TM4SF4: variants seen among roughly 807,000 people sequenced by gnomAD.
TM4SF4 encodes the protein transmembrane 4 L6 family member 4.
TM4SF4 carries 24 observed loss-of-function variants against 24.1 expected under a neutral mutation model. The ratio of observed to expected loss-of-function variants is 1.00; its 90% confidence interval spans 0.72 to 1.40. TM4SF4 has a LOEUF of 1.40. Among genes scored for constraint, TM4SF4 ranks in the 40% most tolerant of loss-of-function variants. The pLI, the probability that TM4SF4 is intolerant of heterozygous loss-of-function variation, is 0.00. For synonymous variants in TM4SF4, 113 were observed against 97.0 expected, an observed-to-expected ratio of 1.17 and a Z score of -0.97; for missense variants, 254 against 254.2, an observed-to-expected ratio of 1.00 and a Z score of 0.01.
intron 4 of TM4SF4, 22 bp downstream of exon 4, chr3:149,498,933 T>C: frequency 1.2e-6 from 2 of 1,612,868 alleles, no homozygotes; most frequent in Non-Finnish European, 1.7e-6. Context: ...CTTTTGCTGT[T>C]TCTTCTCAGC....
rs955147641 is a variant in TM4SF4, at chr3:149,503,284, C to T, written c.*591C>T. On this transcript the variant is annotated 3_prime_UTR_variant, in exon 5 of 5. Coordinates refer to ENST00000305354, the MANE Select transcript of TM4SF4 (RefSeq NM_004617.4). Reference sequence around the variant, plus strand: ...AAACCTGAATTCAGAGGTAACGTAACAAAGATTGTGTGTGTTTTAGGAGGG... The same window carrying T: ...AAACCTGAATTCAGAGGTAACGTAATAAAGATTGTGTGTGTTTTAGGAGGG... 3 of 152,192 alleles carry T rather than the reference C, an allele frequency of 2.0e-5. No individual in the cohort carries two copies. The highest frequency in any genetic ancestry group is 7.2e-5 in the African/African-American group (3 of 41,530). The allele number at this position is 152,192 out of a possible 1,614,324, so 9.4% of individuals were successfully genotyped here.
rs201711380 is a variant in TM4SF4, at chr3:149,493,283, C to A, written c.402-5439C>A. Among the ~76,000 whole-genome samples, 13 of 152,230 alleles carry A rather than the reference C, an allele frequency of 8.5e-5. No homozygotes were observed. The East Asian group carries it at 2.3e-3, about 27-fold the overall frequency. On this transcript the variant is annotated intron_variant, in intron 3 of 4. Coordinates refer to ENST00000305354, the MANE Select transcript of TM4SF4 (RefSeq NM_004617.4). Reference sequence around the variant, plus strand: ...AACCTCTTTATTGTGATATAAGTAACCCTTGATTCACATACTATTATAGAT... The same window carrying A: ...AACCTCTTTATTGTGATATAAGTAAACCTTGATTCACATACTATTATAGAT...
chr3:149,476,047 G>A lies in TM4SF4; in HGVS notation c.264+135G>A, dbSNP rs1733923768. ...GAGCAGCTGGTGAAGGGATAAAACT[G>A]TGATTTTTCCTGCCAGTGTGAAATA... On this transcript the variant is annotated intron_variant, in intron 2 of 4. Coordinates refer to ENST00000305354, the MANE Select transcript of TM4SF4 (RefSeq NM_004617.4). 8.8e-5 allele frequency: 63 copies of A among 712,736 alleles called. 1 individual carries two copies. The South Asian group carries it at 1.1e-3, about 12-fold the overall frequency. 44.2% of individuals were successfully genotyped at this position (712,736 alleles called of 1,614,324 possible).
intron 3 of TM4SF4, chr3:149,495,876 G>A (rs1734301254): frequency 5.5e-6 from 1 of 182,828 alleles, no homozygotes; most frequent in African/African-American, 2.4e-5. Flanking sequence ...ATCCTCCTCT[G>A]GGTCATGTTG....
intron 2 of TM4SF4, among the ~76,000 whole-genome samples, chr3:149,478,126 CAA>C (rs1560028522): frequency 6.6e-6 from 1 of 151,954 alleles, no homozygotes; most frequent in Non-Finnish European, 1.5e-5. Flanking sequence ...AAGATGAAGG[CAA>C]AAAAAGTTTG....
At chr3:149,475,505 C>A (rs192612239) in intron 1 of TM4SF4, among the ~76,000 whole-genome samples, 1 of 152,230 alleles carries the variant, frequency 6.6e-6, no homozygotes, top group South Asian at 2.1e-4. Context: ...TGGGAACCTC[C>A]GTTTGAGAGA....
chr3:149,481,498 C>A (rs1432941902), intron 2 of TM4SF4, among the ~76,000 whole-genome samples: 1 of 152,082 alleles, frequency 6.6e-6, no homozygotes, highest in Admixed American at 6.6e-5. Context: ...CTGCCACTTC[C>A]CCCACTCCCT....
intron 3 of TM4SF4, among the ~76,000 whole-genome samples, chr3:149,496,624 C>T (rs958229156): frequency 2.0e-5 from 3 of 151,958 alleles, no homozygotes; most frequent in Non-Finnish European, 4.4e-5. Context: ...CAAAATTAGC[C>T]GGATGTGGTG....
intron 3 of TM4SF4, among the ~76,000 whole-genome samples, chr3:149,491,512 T>C (rs56295302): frequency 0.032 from 4,833 of 151,570 alleles, 88 homozygotes; most frequent in Middle Eastern, 0.065. Context: ...TATATATATA[T>C]ACACACACAC....
At position 149,500,479 on chromosome 3, in the gene TM4SF4, A is replaced by G. The variant is rs147796302; in HGVS notation, c.591+1568A>G. Among the ~76,000 whole-genome samples the G allele has an allele frequency of 1.9e-4, 29 of 152,280 alleles. No individual in the cohort carries two copies. The East Asian group carries it at 5.6e-3, about 29-fold the overall frequency. On this transcript the variant is annotated intron_variant, in intron 4 of 4. Coordinates refer to ENST00000305354, the MANE Select transcript of TM4SF4 (RefSeq NM_004617.4). ...TTGCATTTTTATTCTACAAATTTTC[A>G]GTTCTACTGTATTGTATTCAAATGT...
chr3:149,490,128 A>G (rs1734185686), intron 3 of TM4SF4, among the ~76,000 whole-genome samples: 1 of 152,238 alleles, frequency 6.6e-6, no homozygotes, highest in African/African-American at 2.4e-5. Flanking sequence ...TGTGCAAGGT[A>G]TAAAATATGC....
intron 4 of TM4SF4, among the ~76,000 whole-genome samples, 182 bp from the exon 5 acceptor site, chr3:149,502,494 C>A (rs1479132868): frequency 6.6e-6 from 1 of 152,056 alleles, no homozygotes; most frequent in Non-Finnish European, 1.5e-5. Flanking sequence ...ATTCCTATAA[C>A]CTCAACACAG....
rs957065900 is a variant in TM4SF4, at chr3:149,491,148, A to AT, written c.401+3404dup. 3.8e-3 allele frequency among the ~76,000 whole-genome samples: 558 copies of AT among 147,878 alleles called. 2 individuals are homozygous for AT. Among genetic ancestry groups the AT allele is most frequent in the African/African-American group, 0.012 (505 of 40,600 alleles). ...TCCATGGCTAGTAATTAGTAAAAGG[A>AT]TTTTTTTTTTTAATTAGCTGGGAGT... On this transcript the variant is annotated intron_variant, in intron 3 of 4. Coordinates refer to ENST00000305354, the MANE Select transcript of TM4SF4 (RefSeq NM_004617.4).
chr3:149,482,897 C>T (rs945783378), intron 2 of TM4SF4, among the ~76,000 whole-genome samples: 1 of 152,202 alleles, frequency 6.6e-6, no homozygotes, highest in Admixed American at 6.5e-5. Flanking sequence ...TGAAGTTATT[C>T]TATGCTGGCT....
At position 149,475,923 on chromosome 3, in the gene TM4SF4, A is replaced by G. The variant is rs2107864942; in HGVS notation, c.264+11A>G. 3 of 1,605,820 alleles carry G rather than the reference A, an allele frequency of 1.9e-6. No homozygotes were observed. Among genetic ancestry groups the G allele is most frequent in the South Asian group, 2.2e-5 (2 of 89,534 alleles). ...GGGAAGCGATTTGCGGTGAGTTACC[A>G]TGGGGGGCAGCTACTAGAATTACTC... On this transcript the variant is annotated intron_variant, in intron 2 of 4. Transcript: ENST00000305354.
chr3:149,478,769 TG>T (rs1733978481), intron 2 of TM4SF4, among the ~76,000 whole-genome samples: 1 of 152,226 alleles, frequency 6.6e-6, no homozygotes. Flanking sequence ...TGTTCTATTT[TG>T]TTTTTTTGAG....
chr3:149,486,172 TA>T (rs1261259437), intron 2 of TM4SF4, among the ~76,000 whole-genome samples: 1 of 152,232 alleles, frequency 6.6e-6, no homozygotes, highest in African/African-American at 2.4e-5. Flanking sequence ...AGATATGTAC[TA>T]TGATAATATT....
chr3:149,485,926 G>A (rs568844448), intron 2 of TM4SF4, among the ~76,000 whole-genome samples: 6 of 152,324 alleles, frequency 3.9e-5, no homozygotes, highest in Middle Eastern at 3.4e-3. Context: ...GTTCTACAAG[G>A]AGAGTCAGAC....
intron 1 of TM4SF4, 79 bp from the exon 2 acceptor site, chr3:149,475,744 G>A (rs41267875): frequency 4.1e-6 from 5 of 1,223,550 alleles, no homozygotes; most frequent in Non-Finnish European, 5.9e-6. Context: ...TTGTGGATGG[G>A]GCTCCTTATA....
Sources: allele counts gnomAD v4.1 joint callset (sites outside exome capture counted in the v4.1 genomes callset), GRCh38; gene constraint gnomAD v4.1.1; transcripts MANE v1.5; gene names NCBI Gene and HGNC (gene_info 2026-07-23, HGNC 2026-07-21).